XPR1: variants seen among roughly 807,000 people sequenced by gnomAD.
XPR1 encodes solute carrier family 53 member 1.
In XPR1, 28 loss-of-function variants were observed where a neutral mutation model predicts 87.5. The observed-to-expected ratio is 0.32, with a 90% CI of 0.24 to 0.44. XPR1 has a LOEUF of 0.44. Among genes scored for constraint, XPR1 ranks in the 20% least tolerant of loss-of-function variants. The pLI is 1.00. For synonymous variants in XPR1, 300 were observed against 306.1 expected (o/e 0.98, Z 0.21); for missense variants, 559 against 862.3 (o/e 0.65, Z 4.41).
At position 180,632,281 on chromosome 1, in the gene XPR1, G is replaced by A. The variant is rs774166422; in HGVS notation, c.69+11G>A. On this transcript the variant is annotated intron_variant, in intron 1 of 14. Coordinates refer to ENST00000367590, the MANE Select transcript of XPR1 (RefSeq NM_004736.4). ...TACATCCAGTATGAGGTACCGGCAC[G>A]GCTGGGGTGTGGGAGGACTCGGAGG... The A allele has an allele frequency of 1.2e-6, 2 of 1,610,052 alleles. No homozygotes were observed. The highest frequency in any genetic ancestry group is 1.7e-5 in the Admixed American group (1 of 59,648).
intron 11 of XPR1, among the ~76,000 whole-genome samples, chr1:180,840,116 G>A (rs565490723): frequency 7.3e-5 from 11 of 151,378 alleles, no homozygotes; most frequent in East Asian, 1.9e-4. Context: ...CCAGCTACTC[G>A]GGAGGCTGAG....
intron 2 of XPR1, among the ~76,000 whole-genome samples, chr1:180,706,608 G>A (rs2101977536): frequency 6.6e-6 from 1 of 151,766 alleles, no homozygotes; most frequent in Non-Finnish European, 1.5e-5. Flanking sequence ...TCAAGACACA[G>A]AAGCTTTTTT....
chr1:180,632,258 C>T lies in XPR1; in HGVS notation c.57C>T (p.Tyr19=), dbSNP rs1234862520. 2 of 1,612,394 alleles carry T rather than the reference C, an allele frequency of 1.2e-6. No homozygotes were observed. Among genetic ancestry groups the T allele is most frequent in the South Asian group, 1.1e-5 (1 of 90,770 alleles). ...AHITPEWRKQ[Y]IQYEAFKDML... is the part of the protein sequence containing the mutation. ...TCACTCCCGAGTGGAGGAAGCAATA[C>T]ATCCAGTATGAGGTACCGGCACGGC... The change falls in exon 1 of 15, where the codon TAC becomes TAT. Residue 19 remains tyrosine (Y), a synonymous_variant. Transcript: ENST00000367590.
chr1:180,644,473 C>T (rs1201049081), intron 1 of XPR1, among the ~76,000 whole-genome samples: 2 of 149,030 alleles, frequency 1.3e-5, no homozygotes, highest in Non-Finnish European at 3.0e-5. Flanking sequence ...TTTAACTTTG[C>T]ATCTATCTTC....
intron 9 of XPR1, among the ~76,000 whole-genome samples, chr1:180,833,767 T>G (rs1651164041): frequency 6.6e-6 from 1 of 152,208 alleles, no homozygotes; most frequent in Non-Finnish European, 1.5e-5. Context: ...ATTTAAAAAT[T>G]AAAATATTTC....
Position 180,881,717 on chromosome 1 carries a change from G to C in XPR1, c.2030+1420G>C, listed in dbSNP as rs115615861. Among the ~76,000 whole-genome samples the C allele has an allele frequency of 5.0e-3, 767 of 152,282 alleles. 6 individuals are homozygous for C. The highest frequency in any genetic ancestry group is 0.018 in the African/African-American group (732 of 41,536). ...CAGGAGGTAGTATCAGTAACTCATTGGATATAGAGGAGTAGAGTAGAACCT... is the reference window on the plus strand; with the variant it reads ...CAGGAGGTAGTATCAGTAACTCATTCGATATAGAGGAGTAGAGTAGAACCT... On this transcript the variant is annotated intron_variant, in intron 14 of 14. Coordinates refer to ENST00000367590, the MANE Select transcript of XPR1 (RefSeq NM_004736.4).
intron 1 of XPR1, among the ~76,000 whole-genome samples, chr1:180,669,286 T>C (rs1313955288): frequency 2.0e-5 from 3 of 152,198 alleles, no homozygotes; most frequent in African/African-American, 7.2e-5. Flanking sequence ...TATTATTGTA[T>C]AAGTATGTAT....
At chr1:180,789,240 A>G (rs972003134) in intron 3 of XPR1, among the ~76,000 whole-genome samples, 10 of 152,170 alleles carry the variant, frequency 6.6e-5, no homozygotes, top group Non-Finnish European at 1.5e-4. Context: ...TTGGTTGCTC[A>G]CTGTGAACTT....
At chr1:180,835,372 G>A (rs1423845989) in intron 10 of XPR1, among the ~76,000 whole-genome samples, 2 of 152,122 alleles carry the variant, frequency 1.3e-5, no homozygotes, top group South Asian at 4.1e-4. Context: ...GCTGTATAAT[G>A]TAACATATAT....
intron 2 of XPR1, among the ~76,000 whole-genome samples, chr1:180,780,555 GAGATGCA>G (rs1648895060): frequency 1.3e-5 from 2 of 152,088 alleles, no homozygotes; most frequent in Non-Finnish European, 2.9e-5. Flanking sequence ...TTTTCTAAAA[GAGATGCA>G]AGAGTTCCAT....
chr1:180,853,808 T>G (rs1445089224), intron 11 of XPR1, among the ~76,000 whole-genome samples: 1 of 151,212 alleles, frequency 6.6e-6, no homozygotes, highest in African/African-American at 2.4e-5. Context: ...TTTTTTTTTT[T>G]TTGTATTTTG....
Position 180,806,151 on chromosome 1 carries a change from C to T in XPR1, c.537C>T (p.His179=), listed in dbSNP as rs754325281. Residue 179 remains histidine, a synonymous_variant, in exon 5 of 15, where the codon CAC becomes CAT. Coordinates refer to ENST00000367590, the MANE Select transcript of XPR1 (RefSeq NM_004736.4). ...GTGGAGCAGATTGGCGAGTGGCTCA[C>T]GTAGAGGTGGCCCCATTTTATACAT... ...TSRGADWRVA[H]VEVAPFYTCK... is the part of the protein sequence containing the mutation. 6.5e-5 allele frequency: 105 copies of T among 1,613,496 alleles called. No homozygotes were observed. The highest frequency in any genetic ancestry group is 8.4e-5 in the Non-Finnish European group (99 of 1,179,706).
intron 11 of XPR1, among the ~76,000 whole-genome samples, chr1:180,850,177 T>C (rs914968380): frequency 6.6e-6 from 1 of 152,118 alleles, no homozygotes; most frequent in Non-Finnish European, 1.5e-5. Context: ...AAAAGAAAAA[T>C]GAAATGAAGG....
chr1:180,633,806 G>A (rs775281244), intron 1 of XPR1, among the ~76,000 whole-genome samples: 1 of 152,156 alleles, frequency 6.6e-6, no homozygotes, highest in African/African-American at 2.4e-5. Context: ...TGAAAGAAGG[G>A]TATTGGTCTT....
At chr1:180,680,211 A>AAAAAC (rs575837051) in intron 1 of XPR1, among the ~76,000 whole-genome samples, 3 of 151,868 alleles carry the variant, frequency 2.0e-5, no homozygotes, top group Non-Finnish European at 4.4e-5. Context: ...CAAAACGACA[A>AAAAAC]AAAACAAAAC....
At chr1:180,745,600 G>T (rs1557986335) in intron 2 of XPR1, among the ~76,000 whole-genome samples, 1 of 152,192 alleles carries the variant, frequency 6.6e-6, no homozygotes, top group Non-Finnish European at 1.5e-5. Context: ...AAAAGGGGGG[G>T]ATGTTTCCTC....
At chr1:180,851,075 G>A (rs1379396735) in intron 11 of XPR1, among the ~76,000 whole-genome samples, 2 of 151,994 alleles carry the variant, frequency 1.3e-5, no homozygotes, top group Non-Finnish European at 1.5e-5. Context: ...AGGAGAGAAG[G>A]CAGAAACACA....
At chr1:180,789,013 TC>T (rs1287137232) in intron 3 of XPR1, among the ~76,000 whole-genome samples, 1 of 152,206 alleles carries the variant, frequency 6.6e-6, no homozygotes. Flanking sequence ...CTGATCATTC[TC>T]TTTTATAGAG....
chr1:180,844,526 G>A (rs1651615366), intron 11 of XPR1, among the ~76,000 whole-genome samples: 1 of 152,154 alleles, frequency 6.6e-6, no homozygotes, highest in Non-Finnish European at 1.5e-5. Context: ...CTTTCCCTTA[G>A]AGTTTTATAA....
Sources: gnomAD v4.1 joint callset for allele counts (sites outside exome capture counted in the v4.1 genomes callset) on GRCh38, gnomAD v4.1.1 for gene constraint, MANE v1.5 for transcripts, NCBI Gene and HGNC (gene_info 2026-07-23, HGNC 2026-07-21) for gene names.